Variants in SLFNL1 observed in about 807,000 individuals in gnomAD.
The protein encoded by SLFNL1 is schlafen like 1.
In SLFNL1, 26 loss-of-function variants were observed where a neutral mutation model predicts 32.5. The observed-to-expected ratio is 0.80, with a 90% confidence interval of 0.59 to 1.11. The LOEUF is 1.11. SLFNL1 is among the 50% of genes least tolerant of loss of function. The pLI, the probability that SLFNL1 is intolerant of heterozygous loss-of-function variation, is 0.00. For synonymous variants in SLFNL1, 255 were observed against 242.2 expected, an observed-to-expected ratio of 1.05 and a Z score of -0.49; for missense variants, 553 against 546.5, an observed-to-expected ratio of 1.01 and a Z score of -0.12.
Position 41,017,420 on chromosome 1 carries a change from G to A in SLFNL1, c.958-43C>T, listed in dbSNP as rs533844200. ...CAGCTCTGGAGGCGCCGCCCCTCAC[G>A]GTCGGCAGCCCCCATCCTGCCAGGC... is the stretch of plus-strand genomic sequence containing the variant. On this transcript the variant is annotated intron_variant, in intron 4 of 5. Coordinates refer to ENST00000302946, the MANE Select transcript of SLFNL1 (RefSeq NM_144990.4). This position sits in a 1 kb window ranked among gnomAD's most constrained non-coding sequence, Gnocchi z 4.9. 1.7e-5 allele frequency: 27 copies of A among 1,591,094 alleles called. No homozygotes were observed. Among genetic ancestry groups the A allele is most frequent in the South Asian group, 4.5e-5 (4 of 88,818 alleles).
chr1:41,015,978 G>T lies in SLFNL1; in HGVS notation c.*128C>A. The T allele has an allele frequency of 7.6e-7, 1 of 1,312,074 alleles. No individual in the cohort carries two copies. The highest frequency in any genetic ancestry group is 1.0e-6 in the Non-Finnish European group (1 of 966,440). 81.3% of individuals were successfully genotyped at this position (1,312,074 alleles called of 1,614,324 possible). On this transcript the variant is annotated 3_prime_UTR_variant, in exon 6 of 6. Coordinates refer to ENST00000302946, the MANE Select transcript of SLFNL1 (RefSeq NM_144990.4). The stretch of plus-strand genomic sequence containing the variant: ...ACATGGGTGCCTGCTCATGTGCCAT[G>T]TTGAAGGAGTCCCTGTCCGCCTCTC...
rs759336749 is a variant in SLFNL1, at chr1:41,017,815, G to A, written c.777C>T (p.Leu259=). 22 of 1,599,246 alleles carry A rather than the reference G, an allele frequency of 1.4e-5. No individual in the cohort carries two copies. The highest frequency in any genetic ancestry group is 3.4e-5 in the Admixed American group (2 of 59,530). ...CCAGGCCGCTGTCCTCTACTCCCAC[G>A]AGCAGGCTGCCGCCCTCGCTGTTGA... ...AFLNSEGGSL[L]VGVEDSGLVQ... The change falls in exon 4 of 6, where the codon CTC becomes CTT. Residue 259 remains leucine (L), a synonymous_variant. Coordinates refer to ENST00000302946, the MANE Select transcript of SLFNL1 (RefSeq NM_144990.4). This position sits in a 1 kb window ranked among gnomAD's most constrained non-coding sequence, Gnocchi z 4.9.
At position 41,017,414 on chromosome 1, in the gene SLFNL1, C is replaced by A; in HGVS notation, c.958-37G>T. 1 of 1,595,644 alleles carries A rather than the reference C, an allele frequency of 6.3e-7. No individual in the cohort carries two copies. The highest frequency in any genetic ancestry group is 8.5e-7 in the Non-Finnish European group (1 of 1,169,830). Reference sequence around the variant, plus strand: ...CAACAGCAGCTCTGGAGGCGCCGCCCCTCACGGTCGGCAGCCCCCATCCTG... The same window carrying A: ...CAACAGCAGCTCTGGAGGCGCCGCCACTCACGGTCGGCAGCCCCCATCCTG... On this transcript the variant is annotated intron_variant, in intron 4 of 5. Transcript: ENST00000302946. The surrounding 1 kb of genome is among the most constrained non-coding windows in gnomAD (Gnocchi z 4.9).
In SLFNL1 at chr1:41,020,351, T is replaced by C. The variant is rs1272879724; in HGVS notation, c.310A>G (p.Thr104Ala). 3 of 1,613,462 alleles carry C rather than the reference T, an allele frequency of 1.9e-6. No individual in the cohort carries two copies. The East Asian group carries it at 6.7e-5, about 36-fold the overall frequency. The part of the protein sequence containing the change: ...ALVQVTVHRD[T>A]LASLPWRLQT... ...AGGCGCCAGGGGAGGGAGGCCAGGG[T>C]GTCCCTGTGGACAGTCACCTGCACC... The change falls in exon 3 of 6, where the codon ACC becomes GCC. Residue 104 changes from threonine (T) to alanine (A), a missense_variant. Thr to Ala is a moderately conservative substitution (Grantham distance 58, BLOSUM62 0). Transcript: ENST00000302946.
Position 41,018,133 on chromosome 1 carries a change from G to GTCT in SLFNL1, c.458_459insAGA (p.Glu152dup). On this transcript the variant is annotated inframe_insertion, in exon 4 of 6. Transcript: ENST00000302946. ...GACTGGGGCCAGGGCTCAGGCCACT[G>GTCT]TCCTCCTCCTCCTCCTCCTTCTCCT... The GTCT allele has an allele frequency of 1.3e-6, 2 of 1,501,262 alleles. No homozygotes were observed. Among genetic ancestry groups the GTCT allele is most frequent in the Non-Finnish European group, 1.8e-6 (2 of 1,117,356 alleles). 93.0% of individuals were successfully genotyped at this position (1,501,262 alleles called of 1,614,324 possible).
chr1:41,018,640 TG>T (rs1216223908), intron 3 of SLFNL1, among the ~76,000 whole-genome samples: 1 of 152,096 alleles, frequency 6.6e-6, no homozygotes, highest in Admixed American at 6.5e-5. Flanking sequence ...CACTACTTGC[TG>T]GGCTATTGAC....
Position 41,017,795 on chromosome 1 carries a change from C to T in SLFNL1, c.797G>A (p.Gly266Asp), listed in dbSNP as rs1319645112. 2 of 1,603,230 alleles carry T rather than the reference C, an allele frequency of 1.2e-6. No individual in the cohort carries two copies. Among genetic ancestry groups the T allele is most frequent in the Non-Finnish European group, 8.5e-7 (1 of 1,172,756 alleles). Residue 266 changes from glycine to aspartate, a missense_variant, in exon 4 of 6, where the codon GGC (glycine) becomes GAC (aspartate). Physicochemically the swap from Gly to Asp is moderately conservative, Grantham distance 94 (BLOSUM62 -1). Transcript: ENST00000302946. The surrounding 1 kb of genome is among the most constrained non-coding windows in gnomAD (Gnocchi z 4.9). The stretch of plus-strand genomic sequence containing the variant: ...GCTGCAGCGGATGCCCTGCACCAGG[C>T]CGCTGTCCTCTACTCCCACGAGCAG... ...GSLLVGVEDS[G>D]LVQGIRCSHR...
rs1325466037 is a variant in SLFNL1 at position 41,017,822 on chromosome 1, C to T, written c.770G>A (p.Ser257Asn). Reference sequence around the variant, plus strand: ...GCTGTCCTCTACTCCCACGAGCAGGCTGCCGCCCTCGCTGTTGAGGAAGGC... The same window carrying T: ...GCTGTCCTCTACTCCCACGAGCAGGTTGCCGCCCTCGCTGTTGAGGAAGGC... The part of the protein sequence containing the change: ...VCAFLNSEGG[S>N]LLVGVEDSGL... Residue 257 changes from serine (S) to asparagine (N), a missense_variant, in exon 4 of 6, where the codon AGC becomes AAC. By Grantham distance (46) the Ser-to-Asn change is conservative (BLOSUM62 1). Transcript: ENST00000302946. The surrounding 1 kb of genome is among the most constrained non-coding windows in gnomAD (Gnocchi z 4.9). 6 of 1,598,152 alleles carry T rather than the reference C, an allele frequency of 3.8e-6. No homozygotes were observed. In the South Asian group the frequency reaches 6.7e-5, roughly 18 times the overall value.
intron 3 of SLFNL1, among the ~76,000 whole-genome samples, chr1:41,018,857 ACAGAGTCTCGCCCTGTCACCCAGG>A (rs1643591194): frequency 1.1e-5 from 1 of 90,284 alleles, no homozygotes; most frequent in Non-Finnish European, 2.1e-5. Context: ...TTTTTTTGAG[ACAGAGTCTCGCCCTGTCACCCAGG>A]CTGGATGGAG....
chr1:41,017,646 CGCTGGTCTCCGAGGT>C lies in SLFNL1; in HGVS notation c.931_945del (p.Thr311_Ser315del), dbSNP rs1452835017. ...TCCTGCAGGCTCACCTTGAGGGGGA[CGCTGGTCTCCGAGGT>C]ACTGATCACAGGGATGAAGGTGAGA... On this transcript the variant is annotated inframe_deletion, in exon 4 of 6. Coordinates refer to ENST00000302946, the MANE Select transcript of SLFNL1 (RefSeq NM_144990.4). This position sits in a 1 kb window ranked among gnomAD's most constrained non-coding sequence, Gnocchi z 4.9. The C allele has an allele frequency of 2.6e-6, 4 of 1,527,202 alleles. No individual in the cohort carries two copies. In the African/African-American group the frequency reaches 5.5e-5, roughly 21 times the overall value. 94.6% of individuals were successfully genotyped at this position (1,527,202 alleles called of 1,614,324 possible).
chr1:41,018,265 CT>C, intron 3 of SLFNL1, 109 bp from the exon 4 acceptor site: 1 of 1,163,736 alleles, frequency 8.6e-7, no homozygotes, highest in South Asian at 1.8e-5. Context: ...CAGCCTGACT[CT>C]TACGGACATC....
In SLFNL1 at chr1:41,020,758, AC is replaced by A. The variant is rs1643773549; in HGVS notation, c.-99del. ...AGTGTGGCTTAAGGGCTCCCAGAGG[AC>A]TCAGGGAGTGTCCCGGCTCCTGGGA... On this transcript the variant is annotated 5_prime_UTR_variant, in exon 3 of 6. The change abolishes the stop of an existing upstream ORF in the 5' untranslated region. Coordinates refer to ENST00000302946, the MANE Select transcript of SLFNL1 (RefSeq NM_144990.4). 8.9e-7 allele frequency: 1 copy of A among 1,124,570 alleles called. No individual in the cohort carries two copies. The highest frequency in any genetic ancestry group is 1.6e-5 in the African/African-American group (1 of 64,454). The allele number at this position is 1,124,570 out of a possible 1,614,324, so 69.7% of individuals were successfully genotyped here.
At position 41,020,566 on chromosome 1, in the gene SLFNL1, T is replaced by C. The variant is rs1643759851; in HGVS notation, c.95A>G (p.Gln32Arg). 1 of 1,613,400 alleles carries C rather than the reference T, an allele frequency of 6.2e-7. No individual in the cohort carries two copies. Among genetic ancestry groups the C allele is most frequent in the Admixed American group, 1.7e-5 (1 of 60,006 alleles). Residue 32 changes from glutamine (Q) to arginine (R), a missense_variant, in exon 3 of 6, where the codon CAG (glutamine) becomes CGG (arginine). By Grantham distance (43) the Gln-to-Arg change is conservative. Coordinates refer to ENST00000302946, the MANE Select transcript of SLFNL1 (RefSeq NM_144990.4). ...GAGGTCAGAGTACTCCGTCAGGGAC[T>C]GCTCTGCGGGTAGCTCCGGCAGGGA... is the stretch of plus-strand genomic sequence containing the variant. ...EESLPELPAE[Q>R]SLTEYSDLEE...
chr1:41,017,500 G>A lies in SLFNL1; in HGVS notation c.958-123C>T. The A allele has an allele frequency of 1.3e-6, 2 of 1,490,930 alleles. No individual in the cohort carries two copies. Among genetic ancestry groups the A allele is most frequent in the Non-Finnish European group, 1.8e-6 (2 of 1,118,966 alleles). The allele number at this position is 1,490,930 out of a possible 1,614,324, so 92.4% of individuals were successfully genotyped here. Reference sequence around the variant, plus strand: ...GCAGGCCAGCAGGGCTGGCACAGGGGCCATCCCCAGCCTCTTCTCCTGTGG... The same window carrying A: ...GCAGGCCAGCAGGGCTGGCACAGGGACCATCCCCAGCCTCTTCTCCTGTGG... On this transcript the variant is annotated intron_variant, in intron 4 of 5. Coordinates refer to ENST00000302946, the MANE Select transcript of SLFNL1 (RefSeq NM_144990.4). The surrounding 1 kb of genome is among the most constrained non-coding windows in gnomAD (Gnocchi z 4.9).
chr1:41,017,229 C>A lies in SLFNL1; in HGVS notation c.1101+5G>T. The A allele has an allele frequency of 6.4e-7, 1 of 1,558,584 alleles. No individual in the cohort carries two copies. The highest frequency in any genetic ancestry group is 8.7e-7 in the Non-Finnish European group (1 of 1,155,176). On this transcript the variant is annotated splice_donor_5th_base_variant and intron_variant, in intron 5 of 5. Coordinates refer to ENST00000302946, the MANE Select transcript of SLFNL1 (RefSeq NM_144990.4). The surrounding 1 kb of genome is among the most constrained non-coding windows in gnomAD (Gnocchi z 4.9). ...CACCCCACCCACTGGCCTCAGCTTCCGTACCTGCCTGCACCACTCCTGGAT... is the reference window on the plus strand; with the variant it reads ...CACCCCACCCACTGGCCTCAGCTTCAGTACCTGCCTGCACCACTCCTGGAT...
chr1:41,017,210 A>G lies in SLFNL1; in HGVS notation c.1101+24T>C, dbSNP rs764374288. 3.3e-6 allele frequency: 5 copies of G among 1,537,812 alleles called. No homozygotes were observed. In the East Asian group the frequency reaches 7.3e-5, roughly 22 times the overall value. ...TCTGGGGTCAGCTCCGCTCCACCCCACCCACTGGCCTCAGCTTCCGTACCT... is the reference window on the plus strand; with the variant it reads ...TCTGGGGTCAGCTCCGCTCCACCCCGCCCACTGGCCTCAGCTTCCGTACCT... On this transcript the variant is annotated intron_variant, in intron 5 of 5. Coordinates refer to ENST00000302946, the MANE Select transcript of SLFNL1 (RefSeq NM_144990.4). The surrounding 1 kb of genome is among the most constrained non-coding windows in gnomAD (Gnocchi z 4.9).
In SLFNL1 at chr1:41,016,246, A is replaced by G. The variant is rs1643309145; in HGVS notation, c.1102-18T>C. ...AGCCACCTCTGAGGGGACATGGGAA[A>G]AGCATGTGGCCAAGCCCGCCTGGTC... On this transcript the variant is annotated intron_variant, in intron 5 of 5. Coordinates refer to ENST00000302946, the MANE Select transcript of SLFNL1 (RefSeq NM_144990.4). 6.2e-7 allele frequency: 1 copy of G among 1,613,300 alleles called. No homozygotes were observed. The highest frequency in any genetic ancestry group is 1.7e-4 in the Middle Eastern group (1 of 6,052).
In SLFNL1 at chr1:41,020,617, G is replaced by T; in HGVS notation, c.44C>A (p.Pro15His). ...CTCCTCACCCCAGGACTCCATGAAG[G>T]GCTCTGACACCTGTGTTTGCACTGA... Reference protein sequence around the residue: ...KRSVQTQVSEPFMESWGEESL... With the variant: ...KRSVQTQVSEHFMESWGEESL... The change falls in exon 3 of 6, where the codon CCC (proline) becomes CAC (histidine). Residue 15 changes from proline to histidine, a missense_variant. Transcript: ENST00000302946. 1 of 1,613,326 alleles carries T rather than the reference G, an allele frequency of 6.2e-7. No homozygotes were observed. The highest frequency in any genetic ancestry group is 8.5e-7 in the Non-Finnish European group (1 of 1,179,978).
Position 41,018,140 on chromosome 1 carries a change from T to C in SLFNL1, c.452A>G (p.Glu151Gly). 2.7e-6 allele frequency: 4 copies of C among 1,492,882 alleles called. No individual in the cohort carries two copies. The highest frequency in any genetic ancestry group is 3.6e-6 in the Non-Finnish European group (4 of 1,115,496). 92.5% of individuals were successfully genotyped at this position (1,492,882 alleles called of 1,614,324 possible). Reference protein sequence around the residue: ...FSHREEKEEEEEDSGLSPGPS... With the variant: ...FSHREEKEEEGEDSGLSPGPS... ...GCCAGGGCTCAGGCCACTGTCCTCC[T>C]CCTCCTCCTCCTTCTCCTAGGGTGG... Residue 151 changes from glutamate (E) to glycine (G), a missense_variant, in exon 4 of 6, where the codon GAG becomes GGG. Glu to Gly is a moderately conservative substitution (Grantham distance 98). Transcript: ENST00000302946.
Sources: gnomAD v4.1 joint callset for allele counts (sites outside exome capture counted in the v4.1 genomes callset) on GRCh38, gnomAD v4.1.1 for gene constraint, Gnocchi (gnomAD v3.1) non-coding constraint, MANE v1.5 for transcripts, NCBI Gene and HGNC (gene_info 2026-07-23, HGNC 2026-07-21) for gene names.